Variants in LDLRAD4 observed in about 807,000 individuals in gnomAD.
LDLRAD4 encodes the protein low density lipoprotein receptor class A domain containing 4.
Under a neutral mutation model 17.0 loss-of-function variants are expected in LDLRAD4, and 5 were observed. The observed-to-expected ratio is 0.29, with a 90% CI of 0.15 to 0.62. The LOEUF (loss-of-function observed/expected upper bound fraction) is 0.62. Ranked by LOEUF, LDLRAD4 falls within the 20% of genes least tolerant of loss-of-function variation. The pLI is 0.84. For synonymous variants in LDLRAD4, 168 were observed against 171.8 expected (o/e 0.98, Z 0.17); for missense variants, 340 against 424.7 (o/e 0.80, Z 1.75).
rs144527332 is a variant in LDLRAD4 at position 13,506,165 on chromosome 18, G to A, written c.181+67781G>A. ...CTCCTAAGCTCACCTTCCCCTGGGCGTGACAGGAGTCTCACTGCAGCCTGG... is the reference window on the plus strand; with the variant it reads ...CTCCTAAGCTCACCTTCCCCTGGGCATGACAGGAGTCTCACTGCAGCCTGG... On this transcript the variant is annotated intron_variant, in intron 3 of 5. Coordinates refer to ENST00000359446, the Ensembl canonical transcript of LDLRAD4. Among the ~76,000 whole-genome samples, 620 of 152,144 alleles carry A rather than the reference G, an allele frequency of 4.1e-3. 3 individuals are homozygous for A. Among genetic ancestry groups the A allele is most frequent in the Non-Finnish European group, 5.4e-3 (369 of 68,014 alleles).
chr18:13,369,799 G>A (rs1400916609), intron 1 of LDLRAD4, among the ~76,000 whole-genome samples: 6 of 152,176 alleles, frequency 3.9e-5, no homozygotes, highest in African/African-American at 9.7e-5. Flanking sequence ...GATGCCAGGC[G>A]TCTGGTAATA....
rs180782345 is a variant in LDLRAD4 at position 13,527,794 on chromosome 18, C to T, written c.181+89410C>T. Among the ~76,000 whole-genome samples the T allele has an allele frequency of 9.6e-3, 1,465 of 152,300 alleles. 25 individuals are homozygous for T. The highest frequency in any genetic ancestry group is 0.034 in the African/African-American group (1,423 of 41,556). On this transcript the variant is annotated intron_variant, in intron 3 of 5. Transcript: ENST00000359446. ...GGAATGAGAAGGACCTGGGGACCTGCCTGAGTCCCAGGAGGCCACCATGGC... is the reference window on the plus strand; with the variant it reads ...GGAATGAGAAGGACCTGGGGACCTGTCTGAGTCCCAGGAGGCCACCATGGC...
intron 1 of LDLRAD4, 57 bp downstream of exon 2, chr18:13,278,245 T>C (rs1007492520): frequency 2.0e-5 from 3 of 152,320 alleles, no homozygotes; most frequent in Admixed American, 2.0e-4. Flanking sequence ...GCAGAGCTTG[T>C]CGCGGCAGGA....
At chr18:13,581,878 C>T (rs1262909828) in intron 3 of LDLRAD4, among the ~76,000 whole-genome samples, 6 of 151,874 alleles carry the variant, frequency 4.0e-5, no homozygotes, top group South Asian at 2.1e-4. Context: ...TATGCACACA[C>T]GTATGTGTGT....
rs182493301 is a variant in LDLRAD4, at chr18:13,301,312, T to A, written c.-383+23124T>A. On this transcript the variant is annotated intron_variant, in intron 1 of 5. Transcript: ENST00000359446. ...ACTCCAGTCAGCGCAGAGTAACCTG[T>A]GCTGGACCAGATGAGCTTGAAGGAG... 1.3e-3 allele frequency among the ~76,000 whole-genome samples: 203 copies of A among 152,224 alleles called. 1 individual carries two copies. The highest frequency in any genetic ancestry group is 4.8e-3 in the African/African-American group (199 of 41,546).
chr18:13,586,001 G>C (rs568395167), intron 3 of LDLRAD4, among the ~76,000 whole-genome samples: 1 of 152,250 alleles, frequency 6.6e-6, no homozygotes, highest in Admixed American at 6.5e-5. Flanking sequence ...TGATGCACAA[G>C]CTAGCTAATG....
intron 3 of LDLRAD4, among the ~76,000 whole-genome samples, chr18:13,577,726 C>T (rs1029149399): frequency 2.6e-5 from 4 of 152,118 alleles, no homozygotes; most frequent in Admixed American, 1.3e-4. Context: ...GCTACATTAT[C>T]GGTTGCAAAT....
At position 13,379,356 on chromosome 18, in the gene LDLRAD4, T is replaced by C. The variant is rs150185865; in HGVS notation, c.-382-7985T>C. 2.6e-3 allele frequency among the ~76,000 whole-genome samples: 393 copies of C among 152,280 alleles called. 1 individual carries two copies. Among genetic ancestry groups the C allele is most frequent in the South Asian group, 4.8e-3 (23 of 4,820 alleles). Reference sequence around the variant, plus strand: ...GTGCCCAGATGCAGGACAGAGGCCATAGATTGAAAAGGAGGTGACCTAGCT... The same window carrying C: ...GTGCCCAGATGCAGGACAGAGGCCACAGATTGAAAAGGAGGTGACCTAGCT... On this transcript the variant is annotated intron_variant, in intron 1 of 5. Coordinates refer to ENST00000359446, the Ensembl canonical transcript of LDLRAD4.
In LDLRAD4 at chr18:13,482,225, C is replaced by A. The variant is rs117094626; in HGVS notation, c.181+43841C>A. 8.9e-3 allele frequency among the ~76,000 whole-genome samples: 1,353 copies of A among 152,306 alleles called. 48 individuals are homozygous for A. The highest frequency in any genetic ancestry group is 0.081 in the East Asian group (420 of 5,168). Reference sequence around the variant, plus strand: ...GTGGAGAACCAGTGCCAAACTCACACCCCTGGGGACGGTTGCCTCTGAACC... The same window carrying A: ...GTGGAGAACCAGTGCCAAACTCACAACCCTGGGGACGGTTGCCTCTGAACC... On this transcript the variant is annotated intron_variant, in intron 3 of 5. Coordinates refer to ENST00000359446, the Ensembl canonical transcript of LDLRAD4.
exon 6 of LDLRAD4, chr18:13,647,205 C>T (rs190274865): frequency 6.1e-4 from 92 of 151,304 alleles, no homozygotes; most frequent in African/African-American, 2.2e-3. Context: ...AACTAGAAAA[C>T]TAATTTTAAA....
At chr18:13,438,195 G>GC in intron 2 of LDLRAD4, 49 bp from the exon 4 acceptor site, 1 of 1,578,192 alleles carries the variant, frequency 6.3e-7, no homozygotes, top group Non-Finnish European at 8.7e-7. Flanking sequence ...CAGCTCAAGA[G>GC]CACCAAGCTT....
chr18:13,400,895 G>A (rs2087124809), intron 2 of LDLRAD4, among the ~76,000 whole-genome samples: 1 of 152,218 alleles, frequency 6.6e-6, no homozygotes, highest in South Asian at 2.1e-4. Flanking sequence ...GGGACACAGG[G>A]CTGAGTAAGG....
At chr18:13,301,434 C>T (rs770289827) in intron 1 of LDLRAD4, among the ~76,000 whole-genome samples, 114 of 131,778 alleles carry the variant, frequency 8.7e-4, no homozygotes, top group Non-Finnish European at 7.7e-4. Flanking sequence ...GGGCTTGGGG[C>T]GAGGGGGGTG....
At chr18:13,387,313 A>G in intron 1 of LDLRAD4, 28 bp from the exon 3 acceptor site, 1 of 176,552 alleles carries the variant, frequency 5.7e-6, no homozygotes. Flanking sequence ...TCTGCTGGTC[A>G]TCAGGAAAGT....
chr18:13,268,278 G>A (rs955950879), intron 1 of LDLRAD4, among the ~76,000 whole-genome samples: 2 of 151,998 alleles, frequency 1.3e-5, no homozygotes, highest in African/African-American at 2.4e-5. Flanking sequence ...TCCCCCCTCG[G>A]CTTGACTCTT....
At chr18:13,640,182 A>G (rs2042413769) in intron 4 of LDLRAD4, among the ~76,000 whole-genome samples, 2 of 148,830 alleles carry the variant, frequency 1.3e-5, no homozygotes, top group East Asian at 2.0e-4. Context: ...AGTCCCATCT[A>G]CTCGGTAGGC....
At chr18:13,242,577 A>G (rs376436822) in intron 1 of LDLRAD4, among the ~76,000 whole-genome samples, 81 of 152,358 alleles carry the variant, frequency 5.3e-4, no homozygotes, top group African/African-American at 1.8e-3. Context: ...GTATATAGAA[A>G]AAGAAATAAG....
At chr18:13,549,889 A>G (rs1023755689) in intron 3 of LDLRAD4, among the ~76,000 whole-genome samples, 1 of 152,060 alleles carries the variant, frequency 6.6e-6, no homozygotes, top group East Asian at 1.9e-4. Context: ...TTCAGGCACC[A>G]CCGCTTTAGA....
intron 1 of LDLRAD4, among the ~76,000 whole-genome samples, chr18:13,334,223 A>G (rs1359501153): frequency 6.6e-6 from 1 of 151,972 alleles, no homozygotes; most frequent in Non-Finnish European, 1.5e-5. Flanking sequence ...GTCTATAGGA[A>G]AGCAATTACC....
Sources: allele counts gnomAD v4.1 joint callset (sites outside exome capture counted in the v4.1 genomes callset), GRCh38; gene constraint gnomAD v4.1.1; transcripts MANE v1.5; gene names NCBI Gene and HGNC (gene_info 2026-07-23, HGNC 2026-07-21).